Variants in UBP1 observed in about 807,000 individuals in gnomAD.
UBP1 encodes upstream binding protein 1, also known as upstream-binding protein 1.
A neutral mutation model predicts 76.1 loss-of-function variants in UBP1; 22 were observed. The ratio of observed to expected loss-of-function variants is 0.29; its 90% confidence interval spans 0.21 to 0.41. The LOEUF (loss-of-function observed/expected upper bound fraction) is 0.41. Ranked by LOEUF, UBP1 falls within the 10% of genes least tolerant of loss-of-function variation. The pLI, the probability that UBP1 is intolerant of heterozygous loss-of-function variation, is 1.00. For synonymous variants in UBP1, 224 were observed against 237.1 expected, an observed-to-expected ratio of 0.94 and a Z score of 0.51; for missense variants, 436 against 668.1, an observed-to-expected ratio of 0.65 and a Z score of 3.83.
At position 33,439,964 on chromosome 3, in the gene UBP1, G is replaced by T. The variant is rs2045265669; in HGVS notation, c.-116C>A. ...CGGGTGAAGCCTCCGGAGGGGCGGCGAGTGGTCACCAGCGGCGGCCGGGAC... is the reference window on the plus strand; with the variant it reads ...CGGGTGAAGCCTCCGGAGGGGCGGCTAGTGGTCACCAGCGGCGGCCGGGAC... On this transcript the variant is annotated 5_prime_UTR_variant, in exon 1 of 16. Coordinates refer to ENST00000283629, the MANE Select transcript of UBP1 (RefSeq NM_014517.5). The T allele has an allele frequency of 3.6e-6, 4 of 1,125,498 alleles. No individual in the cohort carries two copies. Among genetic ancestry groups the T allele is most frequent in the East Asian group, 2.9e-5 (1 of 34,498 alleles). 69.7% of individuals were successfully genotyped at this position (1,125,498 alleles called of 1,614,324 possible).
At chr3:33,394,969 G>A (rs1294043933) in intron 13 of UBP1, among the ~76,000 whole-genome samples, 1 of 151,970 alleles carries the variant, frequency 6.6e-6, no homozygotes, top group Non-Finnish European at 1.5e-5. Context: ...TTTACTACCT[G>A]ACCTTTTACA....
Position 33,403,781 on chromosome 3 carries a change from C to T in UBP1, c.928-877G>A, listed in dbSNP as rs187879672. 1.3e-3 allele frequency: 201 copies of T among 152,316 alleles called. 2 individuals are homozygous for T. The highest frequency in any genetic ancestry group is 4.6e-3 in the African/African-American group (193 of 41,582). The allele number at this position is 152,316 out of a possible 1,614,324, so 9.4% of individuals were successfully genotyped here. A position where few individuals can be genotyped will look rare whatever the true frequency, so the allele number is the denominator to read the frequency against. On this transcript the variant is annotated intron_variant, in intron 8 of 15. Coordinates refer to ENST00000283629, the MANE Select transcript of UBP1 (RefSeq NM_014517.5). ...AAGCATGCCAGAGTAATCTCAAATACAAGTCTTCAGACTTGAGATACAGAC... is the reference window on the plus strand; with the variant it reads ...AAGCATGCCAGAGTAATCTCAAATATAAGTCTTCAGACTTGAGATACAGAC...
chr3:33,425,996 AATATATATATATATATAT>A lies in UBP1; in HGVS notation c.114-273_114-256del, dbSNP rs60739079. Among the ~76,000 whole-genome samples the A allele has an allele frequency of 5.3e-3, 291 of 55,138 alleles. 4 individuals are homozygous for A. The highest frequency in any genetic ancestry group is 7.1e-3 in the Non-Finnish European group (213 of 29,976). 36.2% of individuals were successfully genotyped at this position (55,138 alleles called of 152,430 possible). ...GGGGGAGGGCGGCAGGGCAGCTCTG[AATATATATATATATATAT>A]ATATATATATATATATATATATATA... is the stretch of plus-strand genomic sequence containing the variant. On this transcript the variant is annotated intron_variant, in intron 1 of 15. Transcript: ENST00000283629.
rs371533311 is a variant in UBP1 at position 33,438,785 on chromosome 3, G to A, written c.113+951C>T. Among the ~76,000 whole-genome samples the A allele has an allele frequency of 1.5e-4, 23 of 152,162 alleles. No homozygotes were observed. In the East Asian group the frequency reaches 2.9e-3, roughly 19 times the overall value. On this transcript the variant is annotated intron_variant, in intron 1 of 15. Transcript: ENST00000283629. ...AAGATTCCAGGCCAGCTTTAACCCA[G>A]AAGTCCTCCTCTAGAGCTGCAGTAA...
chr3:33,421,096 T>C (rs768317824), intron 2 of UBP1, among the ~76,000 whole-genome samples: 18 of 152,202 alleles, frequency 1.2e-4, no homozygotes, highest in Non-Finnish European at 1.8e-4. Context: ...CATCACAGGC[T>C]CAGCCCCCAG....
At chr3:33,427,188 C>T (rs1259710047) in intron 1 of UBP1, among the ~76,000 whole-genome samples, 1 of 152,242 alleles carries the variant, frequency 6.6e-6, no homozygotes, top group Non-Finnish European at 1.5e-5. Context: ...TAGTCTCAAA[C>T]TCCTGGCCTC....
intron 15 of UBP1, chr3:33,391,495 C>A (rs1451590973): frequency 6.6e-6 from 1 of 152,206 alleles, no homozygotes; most frequent in Non-Finnish European, 1.5e-5. Context: ...ACATCTCAAG[C>A]CCAGGCCTCT....
rs555091649 is a variant in UBP1 at position 33,399,152 on chromosome 3, G to A, written c.1180+1037C>T. Among the ~76,000 whole-genome samples, 5 of 152,354 alleles carry A rather than the reference G, an allele frequency of 3.3e-5. No individual in the cohort carries two copies. The South Asian group carries it at 1.0e-3, about 32-fold the overall frequency. On this transcript the variant is annotated intron_variant, in intron 11 of 15. Transcript: ENST00000283629. Reference sequence around the variant, plus strand: ...TGTGTTTTAATGGCCCTACTGCACTGCAGGTGAAGGAATGCTAACTACCAC... The same window carrying A: ...TGTGTTTTAATGGCCCTACTGCACTACAGGTGAAGGAATGCTAACTACCAC...
At chr3:33,433,209 T>A (rs192499958) in intron 1 of UBP1, among the ~76,000 whole-genome samples, 1 of 150,450 alleles carries the variant, frequency 6.6e-6, no homozygotes, top group Non-Finnish European at 1.5e-5. Flanking sequence ...TACAGGTACA[T>A]GCCACCATGC....
At chr3:33,394,087 G>A (rs920560994) in intron 13 of UBP1, among the ~76,000 whole-genome samples, 7 of 151,576 alleles carry the variant, frequency 4.6e-5, no homozygotes, top group Non-Finnish European at 8.9e-5. Context: ...CACAATCACA[G>A]CTCACTGTAG....
intron 12 of UBP1, 64 bp from the exon 13 acceptor site, chr3:33,396,344 T>C (rs1378775195): frequency 4.1e-6 from 5 of 1,216,532 alleles, no homozygotes; most frequent in African/African-American, 1.5e-5. Context: ...TGTACAAATA[T>C]GACAACTACA....
At chr3:33,425,291 A>G (rs1015344163) in intron 2 of UBP1, among the ~76,000 whole-genome samples, 2 of 152,146 alleles carry the variant, frequency 1.3e-5, no homozygotes, top group African/African-American at 4.8e-5. Context: ...CAAGTTCCAT[A>G]TTGAAATCAC....
chr3:33,420,429 A>T (rs1257306662), intron 2 of UBP1, among the ~76,000 whole-genome samples: 2 of 151,076 alleles, frequency 1.3e-5, no homozygotes, highest in Non-Finnish European at 2.9e-5. Context: ...AAATTCAAGC[A>T]ATTCTCATGC....
chr3:33,397,391 G>A (rs1301580809), intron 11 of UBP1: 1 of 302,700 alleles, frequency 3.3e-6, no homozygotes, highest in Admixed American at 5.0e-5. Flanking sequence ...TGAGAGCAGG[G>A]CCTAAAGAAC....
intron 13 of UBP1, among the ~76,000 whole-genome samples, chr3:33,395,729 C>T (rs1443404378): frequency 7.3e-6 from 1 of 136,888 alleles, no homozygotes; most frequent in Non-Finnish European, 1.5e-5. Context: ...AGAGTTCTCC[C>T]CATACCTAGT....
intron 13 of UBP1, among the ~76,000 whole-genome samples, chr3:33,394,572 G>A (rs1025085067): frequency 6.6e-4 from 101 of 152,144 alleles, no homozygotes; most frequent in Admixed American, 6.6e-3. Flanking sequence ...TCTGCACAGT[G>A]CACATCTGTA....
Position 33,402,853 on chromosome 3 carries a change from G to A in UBP1, c.979C>T (p.Pro327Ser), listed in dbSNP as rs373493970. 1.9e-6 allele frequency: 3 copies of A among 1,609,964 alleles called. No homozygotes were observed. The highest frequency in any genetic ancestry group is 1.3e-5 in the African/African-American group (1 of 74,748). The change falls in exon 9 of 16, where the codon CCA becomes TCA. Residue 327 changes from proline (P) to serine (S), a missense_variant. Physicochemically the swap from Pro to Ser is moderately conservative, Grantham distance 74. Around this residue, in one of 3 missense-constraint regions of UBP1, gnomAD observed 210 missense variants for 272.8 expected, o/e 0.77. Coordinates refer to ENST00000283629, the MANE Select transcript of UBP1 (RefSeq NM_014517.5). Reference protein sequence around the residue: ...PTAYVNNSPSPAPTFTSPQQS... With the variant: ...PTAYVNNSPSSAPTFTSPQQS... ...TGTGGGGAGGTGAAAGTGGGCGCTGGGGAAGGGCTGTTATTCACATAGGCT... is the reference window on the plus strand; with the variant it reads ...TGTGGGGAGGTGAAAGTGGGCGCTGAGGAAGGGCTGTTATTCACATAGGCT...
rs762688455 is a variant in UBP1 at position 33,392,541 on chromosome 3, GAC to G, written c.1585+20_1585+21del. 9.4e-6 allele frequency: 15 copies of G among 1,599,552 alleles called. No individual in the cohort carries two copies. The highest frequency in any genetic ancestry group is 3.3e-4 in the Middle Eastern group (2 of 6,026). On this transcript the variant is annotated intron_variant, in intron 15 of 15. Transcript: ENST00000283629. ...ATCTCTCATGATTCCAGCATTTTAA[GAC>G]ACACACACATGCAAAGTACCTTTTA...
intron 15 of UBP1, chr3:33,391,583 T>A (rs1334386096): frequency 6.6e-6 from 1 of 152,160 alleles, no homozygotes; most frequent in Non-Finnish European, 1.5e-5. Flanking sequence ...CTTGGTTGAT[T>A]TACCCCAACC....
Sources: allele counts gnomAD v4.1 joint callset (sites outside exome capture counted in the v4.1 genomes callset), GRCh38; gene constraint gnomAD v4.1.1; regional missense constraint gnomAD v4.1.1; transcripts MANE v1.5; gene names NCBI Gene and HGNC (gene_info 2026-07-23, HGNC 2026-07-21).